Variants in PATJ observed in about 807,000 individuals in gnomAD.
PATJ encodes PATJ crumbs cell polarity complex component, also known as inaD-like protein.
PATJ carries 190 observed loss-of-function variants against 224.9 expected under a neutral mutation model. That is an observed-to-expected ratio of 0.84 (90% CI 0.75 to 0.95). The LOEUF (loss-of-function observed/expected upper bound fraction) is 0.95, where lower values mean the gene tolerates loss of function less well. Among genes scored for constraint, PATJ ranks in the 40% least tolerant of loss-of-function variants. PATJ has a pLI of 0.00. For synonymous variants in PATJ, 769 were observed against 820.3 expected, an observed-to-expected ratio of 0.94 and a Z score of 1.07; for missense variants, 2,121 against 2,270.3, an observed-to-expected ratio of 0.93 and a Z score of 1.34.
At chr1:62,073,383 G>A in intron 31 of PATJ, 2 of 941,790 alleles carry the variant, frequency 2.1e-6, no homozygotes, top group Non-Finnish European at 1.3e-6. Context: ...ACCACTTTGG[G>A]AGGCCAAGGC....
At chr1:61,914,478 T>C (rs1466624559) in intron 25 of PATJ, 109 bp from the exon 26 acceptor site, 5 of 534,628 alleles carry the variant, frequency 9.4e-6, no homozygotes, top group Non-Finnish European at 1.7e-5. Context: ...AAAACAGAAA[T>C]GTAATGATTG....
chr1:62,156,626 A>T (rs1669248820), intron 43 of PATJ, among the ~76,000 whole-genome samples: 1 of 151,550 alleles, frequency 6.6e-6, no homozygotes. Flanking sequence ...TTTTAAAAAA[A>T]TCTGTGTGAC....
intron 25 of PATJ, among the ~76,000 whole-genome samples, chr1:61,912,711 T>G (rs1334857562): frequency 0.011 from 492 of 46,090 alleles, no homozygotes; most frequent in Middle Eastern, 0.024. Context: ...GAGGGGAAGG[T>G]AGAGAGGAGG....
intron 33 of PATJ, among the ~76,000 whole-genome samples, chr1:62,106,115 C>CACACACACACACACACAT (rs140461579): frequency 2.2e-5 from 1 of 46,464 alleles, no homozygotes; most frequent in Non-Finnish European, 4.0e-5. Flanking sequence ...CACACACACA[C>CACACACACACACACACAT]ACACAAACAC....
chr1:62,017,592 C>T (rs1646845186), intron 28 of PATJ, among the ~76,000 whole-genome samples: 1 of 151,484 alleles, frequency 6.6e-6, no homozygotes, highest in East Asian at 1.9e-4. Flanking sequence ...ATTAGCCAGG[C>T]GTGGTGGCAC....
At chr1:61,814,206 C>T (rs193083928) in intron 14 of PATJ, among the ~76,000 whole-genome samples, 1 of 142,182 alleles carries the variant, frequency 7.0e-6, no homozygotes, top group African/African-American at 2.6e-5. Context: ...TGCAATGGCA[C>T]CATCTCGGCT....
intron 22 of PATJ, among the ~76,000 whole-genome samples, chr1:61,891,718 T>C (rs1328558205): frequency 6.6e-6 from 1 of 152,230 alleles, no homozygotes; most frequent in Non-Finnish European, 1.5e-5. Flanking sequence ...CAACTTACCC[T>C]GTATGGCTTG....
chr1:61,961,970 A>AG (rs1460774654), intron 27 of PATJ, among the ~76,000 whole-genome samples: 5 of 105,224 alleles, frequency 4.8e-5, no homozygotes, highest in East Asian at 1.2e-3. Context: ...ACTCCGTCTT[A>AG]GAAAAAAAAA....
intron 29 of PATJ, among the ~76,000 whole-genome samples, chr1:62,025,657 C>G (rs1344219622): frequency 6.6e-6 from 1 of 152,136 alleles, no homozygotes; most frequent in East Asian, 1.9e-4. Flanking sequence ...CCTGTCCCTA[C>G]TAAAAATGCC....
intron 31 of PATJ, among the ~76,000 whole-genome samples, chr1:62,066,737 C>T (rs1400872164): frequency 6.6e-6 from 1 of 152,144 alleles, no homozygotes; most frequent in African/African-American, 2.4e-5. Context: ...CCAGCCCATG[C>T]ACAGGAGAAC....
At chr1:62,013,349 C>T (rs1006235243) in intron 28 of PATJ, 17 of 985,190 alleles carry the variant, frequency 1.7e-5, no homozygotes, top group Non-Finnish European at 1.9e-5. Flanking sequence ...TTAGTCACTT[C>T]GAAGGCTGGA....
At chr1:61,818,697 A>G (rs758370686) in intron 14 of PATJ, among the ~76,000 whole-genome samples, 3 of 152,208 alleles carry the variant, frequency 2.0e-5, no homozygotes, top group Non-Finnish European at 4.4e-5. Flanking sequence ...AAGATAGAGC[A>G]TGTTTTGTTC....
chr1:61,912,488 G>C (rs960383749), intron 25 of PATJ, among the ~76,000 whole-genome samples: 16 of 151,496 alleles, frequency 1.1e-4, no homozygotes, highest in Non-Finnish European at 1.8e-4. Context: ...CAGCTACTTG[G>C]GAATGAGGCA....
Position 61,899,614 on chromosome 1 carries a change from G to T in PATJ, c.3163G>T (p.Glu1055Ter). 6.2e-7 allele frequency: 1 copy of T among 1,611,484 alleles called. No individual in the cohort carries two copies. Among genetic ancestry groups the T allele is most frequent in the Non-Finnish European group, 8.5e-7 (1 of 1,179,110 alleles). The stretch of plus-strand genomic sequence containing the variant: ...ACCTGAGAGAGAAGAAGGCGAAGGA[G>T]AAGAAACTCCAAATTTTAGCCACTG... ...ELPEREEGEGEETPNFSHWGP... is the reference protein window; with the variant it reads ...ELPEREEGEG Residue 1055 changes from glutamate (E) to a stop codon, truncating the protein, a stop_gained, in exon 23 of 44, where the codon GAA becomes TAA. Coordinates refer to ENST00000642238, the MANE Select transcript of PATJ (RefSeq NM_001350145.3). LOFTEE classifies it high-confidence loss of function.
intron 30 of PATJ, chr1:62,039,118 G>GT: frequency 1.5e-6 from 1 of 673,094 alleles, no homozygotes; most frequent in Non-Finnish European, 2.8e-6. Context: ...TTGATGGCTC[G>GT]TATCTGTTCT....
chr1:61,861,698 G>T (rs759893873), intron 19 of PATJ, 31 bp downstream of exon 19: 2 of 930,872 alleles, frequency 2.1e-6, no homozygotes, highest in Non-Finnish European at 3.2e-6. Flanking sequence ...CCATTTGAAT[G>T]ATTTGCTATG....
intron 37 of PATJ, among the ~76,000 whole-genome samples, chr1:62,119,436 C>A (rs948448582): frequency 6.6e-6 from 1 of 152,098 alleles, no homozygotes; most frequent in African/African-American, 2.4e-5. Context: ...TTCTTTTGAG[C>A]GCTAAGGAGA....
rs140551547 is a variant in PATJ at position 62,082,715 on chromosome 1, C to T, written c.4244-1800C>T. Reference sequence around the variant, plus strand: ...GAATTAGTGGGTTTGTGTTCCAATACGACTTTATTTATAGACACTGAGATT... The same window carrying T: ...GAATTAGTGGGTTTGTGTTCCAATATGACTTTATTTATAGACACTGAGATT... On this transcript the variant is annotated intron_variant, in intron 32 of 43. Coordinates refer to ENST00000642238, the MANE Select transcript of PATJ (RefSeq NM_001350145.3). Among the ~76,000 whole-genome samples the T allele has an allele frequency of 1.9e-3, 291 of 152,178 alleles. 2 individuals carry two copies. Among genetic ancestry groups the T allele is most frequent in the East Asian group, 3.1e-3 (16 of 5,178 alleles).
rs965371103 is a variant in PATJ, at chr1:62,130,730, A to C, written c.5271+1785A>C. On this transcript the variant is annotated intron_variant, in intron 41 of 43. Transcript: ENST00000642238. ...GCCGGGCATGGTGGCGGGCGCCTAT[A>C]GTCCCAGCTACTGGGGAGGCTGAGG... Among the ~76,000 whole-genome samples the C allele has an allele frequency of 4.6e-5, 7 of 152,188 alleles. No homozygotes were observed. In the South Asian group the frequency reaches 1.5e-3, roughly 32 times the overall value.
Sources: gnomAD v4.1 joint callset for allele counts (sites outside exome capture counted in the v4.1 genomes callset) on GRCh38, gnomAD v4.1.1 for gene constraint, MANE v1.5 for transcripts, NCBI Gene and HGNC (gene_info 2026-07-23, HGNC 2026-07-21) for gene names.